SPTLC3: variants seen among roughly 807,000 people sequenced by gnomAD.
SPTLC3 encodes the protein serine palmitoyltransferase long chain base subunit 3.
A neutral mutation model predicts 59.3 loss-of-function variants in SPTLC3; 36 were observed. That is an observed-to-expected ratio of 0.61 (90% confidence interval 0.47 to 0.80). SPTLC3 has a LOEUF of 0.80. Ranked by LOEUF, SPTLC3 falls within the 30% of genes least tolerant of loss-of-function variation. The pLI, the probability that SPTLC3 is intolerant of heterozygous loss-of-function variation, is 0.00. For missense variants in SPTLC3, 625 were observed against 685.1 expected (o/e 0.91, Z 0.98); for synonymous variants, 257 against 240.8 (o/e 1.07, Z -0.62).
At chr20:13,118,915 T>C (rs1256563858) in intron 8 of SPTLC3, among the ~76,000 whole-genome samples, 1 of 152,244 alleles carries the variant, frequency 6.6e-6, no homozygotes, top group Non-Finnish European at 1.5e-5. Context: ...GAGTTTTAAG[T>C]GGCCTTTACC....
intron 10 of SPTLC3, among the ~76,000 whole-genome samples, chr20:13,155,990 G>A (rs1241590087): frequency 6.6e-6 from 1 of 152,170 alleles, no homozygotes; most frequent in Non-Finnish European, 1.5e-5. Context: ...TGTTAAGGAG[G>A]GTTGACAACA....
intron 9 of SPTLC3, among the ~76,000 whole-genome samples, chr20:13,150,080 G>A (rs940710800): frequency 2.6e-5 from 4 of 152,212 alleles, no homozygotes; most frequent in Non-Finnish European, 5.9e-5. Flanking sequence ...TGGCTGAGAT[G>A]TATCTGTGTG....
intron 1 of SPTLC3, among the ~76,000 whole-genome samples, chr20:13,036,163 T>A (rs766997597): frequency 6.6e-6 from 1 of 152,098 alleles, no homozygotes; most frequent in Non-Finnish European, 1.5e-5. Context: ...TAAAAAAAAA[T>A]ACATGCTAAA....
At chr20:13,044,283 G>T (rs542595084) in intron 1 of SPTLC3, among the ~76,000 whole-genome samples, 2 of 151,932 alleles carry the variant, frequency 1.3e-5, no homozygotes, top group East Asian at 3.9e-4. Flanking sequence ...GTATTTTTTA[G>T]TAGAGACAGA....
At position 13,072,404 on chromosome 20, in the gene SPTLC3, C is replaced by T. The variant is rs370307804; in HGVS notation, c.452C>T (p.Thr151Met). 13 of 1,582,078 alleles carry T rather than the reference C, an allele frequency of 8.2e-6. No homozygotes were observed. The Admixed American group carries it at 9.5e-5, about 12-fold the overall frequency. The change falls in exon 3 of 12, where the codon ACG becomes ATG. Residue 151 changes from threonine (T) to methionine (M), a missense_variant. Coordinates refer to ENST00000399002, the MANE Select transcript of SPTLC3 (RefSeq NM_018327.4). The stretch of plus-strand genomic sequence containing the variant: ...AGGGTATCAGACGACTATAACTGGA[C>T]GTTTAGGTGAGAGAACTTCTTGGAG... ...MERVSDDYNW[T>M]FRFTGRVIKD...
rs201776508 is a variant in SPTLC3, at chr20:13,117,537, A to G, written c.964A>G (p.Ile322Val). The change falls in exon 8 of 12, where the codon ATC becomes GTC. Residue 322 changes from isoleucine (I) to valine (V), a missense_variant. Ile to Val is a conservative substitution (Grantham distance 29). Transcript: ENST00000399002. ...MEGSIVHLPQ[I>V]IALKKKYKAY... ...AGGTTCCATCGTGCATCTGCCCCAG[A>G]TCATAGCTCTAAAGAAGAAATACAA... The G allele has an allele frequency of 1.2e-5, 19 of 1,608,234 alleles. No individual in the cohort carries two copies. Among genetic ancestry groups the G allele is most frequent in the Non-Finnish European group, 1.6e-5 (19 of 1,177,076 alleles).
rs1600218726 is a variant in SPTLC3 at position 13,033,572 on chromosome 20, G to A, written c.118-15373G>A. ...TCTTATGGCCACATTTGTCTTCAAG[G>A]GATGTCAGAAATGTAGCCTAGCTGT... On this transcript the variant is annotated intron_variant, in intron 1 of 11. Coordinates refer to ENST00000399002, the MANE Select transcript of SPTLC3 (RefSeq NM_018327.4). Among the ~76,000 whole-genome samples the A allele has an allele frequency of 2.0e-5, 3 of 152,154 alleles. No individual in the cohort carries two copies. In the South Asian group the frequency reaches 6.2e-4, roughly 32 times the overall value.
chr20:13,100,181 A>C (rs1448069419), intron 6 of SPTLC3, among the ~76,000 whole-genome samples: 2 of 152,154 alleles, frequency 1.3e-5, no homozygotes, highest in African/African-American at 4.8e-5. Flanking sequence ...TGTAGGAAAA[A>C]ATACCTAAGA....
intron 1 of SPTLC3, among the ~76,000 whole-genome samples, chr20:13,029,013 A>T (rs75862880): frequency 0.055 from 8,376 of 152,288 alleles, 270 homozygotes; most frequent in South Asian, 0.084. Flanking sequence ...ACTCCCTTAC[A>T]CATCACAAAA....
chr20:13,152,949 T>C (rs1214491509), intron 9 of SPTLC3, among the ~76,000 whole-genome samples: 2 of 152,204 alleles, frequency 1.3e-5, no homozygotes, highest in African/African-American at 4.8e-5. Flanking sequence ...CAAAATATTG[T>C]ATAACCTCTA....
chr20:13,162,938 T>C (rs193179470), intron 11 of SPTLC3, among the ~76,000 whole-genome samples: 534 of 152,218 alleles, frequency 3.5e-3, no homozygotes, highest in Non-Finnish European at 5.4e-3. Context: ...AACCTAACTC[T>C]GAGCACGAGT....
intron 2 of SPTLC3, among the ~76,000 whole-genome samples, chr20:13,058,847 C>A (rs1330838604): frequency 1.3e-5 from 2 of 152,196 alleles, no homozygotes; most frequent in African/African-American, 4.8e-5. Context: ...ATTCATTCTG[C>A]TCATCACACG....
At chr20:13,110,547 C>G (rs1336542369) in intron 7 of SPTLC3, among the ~76,000 whole-genome samples, 2 of 152,132 alleles carry the variant, frequency 1.3e-5, no homozygotes, top group African/African-American at 4.8e-5. Context: ...CTGGGTTATT[C>G]AAGATCAAAA....
intron 1 of SPTLC3, among the ~76,000 whole-genome samples, chr20:13,023,642 A>G (rs1035651356): frequency 1.3e-5 from 2 of 152,286 alleles, no homozygotes; most frequent in African/African-American, 2.4e-5. Flanking sequence ...AGGTTTCTTA[A>G]GCTTTGTTGG....
At chr20:13,153,693 C>T (rs2038701607) in intron 9 of SPTLC3, among the ~76,000 whole-genome samples, 1 of 152,150 alleles carries the variant, frequency 6.6e-6, no homozygotes, top group South Asian at 2.1e-4. Flanking sequence ...TTTTAAGGTA[C>T]TTTGCACAGA....
intron 1 of SPTLC3, among the ~76,000 whole-genome samples, chr20:13,026,866 C>G (rs1311296326): frequency 6.6e-6 from 1 of 152,182 alleles, no homozygotes; most frequent in Non-Finnish European, 1.5e-5. Flanking sequence ...GGAGCCCGTT[C>G]TTCCCTAGTG....
chr20:13,012,000 T>A (rs1250755706), intron 1 of SPTLC3, among the ~76,000 whole-genome samples: 1 of 152,192 alleles, frequency 6.6e-6, no homozygotes, highest in Non-Finnish European at 1.5e-5. Context: ...TGAATAGGAA[T>A]TTCCTATTCC....
intron 9 of SPTLC3, among the ~76,000 whole-genome samples, chr20:13,137,543 A>G (rs896054060): frequency 2.0e-5 from 3 of 152,184 alleles, no homozygotes; most frequent in African/African-American, 7.2e-5. Flanking sequence ...TTCTAAAATT[A>G]AAACTGAGTG....
At chr20:13,048,056 A>G (rs1987307914) in intron 1 of SPTLC3, among the ~76,000 whole-genome samples, 1 of 152,208 alleles carries the variant, frequency 6.6e-6, no homozygotes, top group African/African-American at 2.4e-5. Flanking sequence ...ACAGGCTTTA[A>G]CTGACAAAGA....
Sources: allele counts gnomAD v4.1 joint callset (sites outside exome capture counted in the v4.1 genomes callset), GRCh38; gene constraint gnomAD v4.1.1; transcripts MANE v1.5; gene names NCBI Gene and HGNC (gene_info 2026-07-23, HGNC 2026-07-21).